The following ITGA4 variants were observed in gnomAD, a reference collection of about 807,000 sequenced individuals.
ITGA4 encodes the protein integrin subunit alpha 4, also known as integrin alpha-4.
In ITGA4, 63 loss-of-function variants were observed where a neutral mutation model predicts 133.6. The observed-to-expected ratio is 0.47, with a 90% CI of 0.38 to 0.58. The LOEUF (loss-of-function observed/expected upper bound fraction) is 0.58, where lower values mean the gene tolerates loss of function less well. Ranked by LOEUF, ITGA4 falls within the 20% of genes least tolerant of loss-of-function variation. The pLI is 0.00. For synonymous variants in ITGA4, 483 were observed against 438.0 expected, an observed-to-expected ratio of 1.10 and a Z score of -1.28; for missense variants, 1,076 against 1,252.7, an observed-to-expected ratio of 0.86 and a Z score of 2.13.
At chr2:181,500,223 C>T (rs865896494) in intron 15 of ITGA4, among the ~76,000 whole-genome samples, 5 of 152,252 alleles carry the variant, frequency 3.3e-5, no homozygotes, top group Middle Eastern at 3.4e-3. Flanking sequence ...GTGTTTGGAA[C>T]ACTTTTAAAA....
chr2:181,527,067 C>G (rs1274942331), intron 21 of ITGA4, among the ~76,000 whole-genome samples: 1 of 151,688 alleles, frequency 6.6e-6, no homozygotes, highest in Non-Finnish European at 1.5e-5. Context: ...AACTCCTGAC[C>G]TCAGGTGATG....
intron 12 of ITGA4, 148 bp downstream of exon 12, chr2:181,494,960 C>A: frequency 3.4e-6 from 2 of 579,808 alleles, no homozygotes; most frequent in South Asian, 4.9e-5. Flanking sequence ...TTAATTCATT[C>A]CTAAAATGAT....
intron 27 of ITGA4, among the ~76,000 whole-genome samples, 156 bp downstream of exon 27, chr2:181,535,091 A>AGTCT (rs1162239153): frequency 6.6e-6 from 1 of 151,620 alleles, no homozygotes; most frequent in African/African-American, 2.4e-5. Flanking sequence ...TCAACACCAA[A>AGTCT]GTCTTTCTAG....
intron 2 of ITGA4, among the ~76,000 whole-genome samples, chr2:181,460,566 A>AATGTGTGTGTGTGTGTGTGTGTGT (rs79689303): frequency 2.0e-5 from 3 of 147,958 alleles, no homozygotes; most frequent in Admixed American, 6.7e-5. Context: ...TCTGTAGAAG[A>AATGTGTGTGTGTGTGTGTGTGTGT]GTGTGTGTGT....
At chr2:181,524,545 C>T (rs951890739) in intron 20 of ITGA4, among the ~76,000 whole-genome samples, 3 of 152,064 alleles carry the variant, frequency 2.0e-5, no homozygotes, top group Non-Finnish European at 2.9e-5. Context: ...AATAACTCTA[C>T]AAGATTTAAA....
intron 26 of ITGA4, among the ~76,000 whole-genome samples, chr2:181,534,611 T>C (rs1687016809): frequency 6.6e-6 from 1 of 151,938 alleles, no homozygotes; most frequent in Non-Finnish European, 1.5e-5. Flanking sequence ...GGAGGAAAAG[T>C]CATGGATACA....
chr2:181,476,742 A>G (rs1386892347), intron 4 of ITGA4, among the ~76,000 whole-genome samples: 2 of 152,188 alleles, frequency 1.3e-5, no homozygotes, highest in Non-Finnish European at 2.9e-5. Flanking sequence ...GTTGGATTGG[A>G]TAAAGAAACT....
intron 2 of ITGA4, among the ~76,000 whole-genome samples, chr2:181,464,940 A>T (rs898640141): frequency 1.4e-4 from 22 of 152,262 alleles, no homozygotes; most frequent in African/African-American, 5.1e-4. Flanking sequence ...GAGAATTTTT[A>T]AAAATCATAG....
intron 10 of ITGA4, chr2:181,486,296 C>A: frequency 4.3e-6 from 1 of 230,172 alleles, no homozygotes; most frequent in Non-Finnish European, 8.4e-6. Context: ...GCTGTTACAC[C>A]CACCATTTTT....
rs1686149036 is a variant in ITGA4, at chr2:181,495,982, T to A, written c.1540+45T>A. ...TTAATGCTTGATGGGGTGCGGTTCATTCATTAATCCCACAATCCTGCTTGG... is the reference window on the plus strand; with the variant it reads ...TTAATGCTTGATGGGGTGCGGTTCAATCATTAATCCCACAATCCTGCTTGG... On this transcript the variant is annotated intron_variant, in intron 14 of 27. Coordinates refer to ENST00000397033, the MANE Select transcript of ITGA4 (RefSeq NM_000885.6). The surrounding 1 kb of genome is among the most constrained non-coding windows in gnomAD (Gnocchi z 4.3). 2 of 1,585,216 alleles carry A rather than the reference T, an allele frequency of 1.3e-6. No homozygotes were observed. The highest frequency in any genetic ancestry group is 3.4e-5 in the Admixed American group (2 of 58,292).
At chr2:181,498,538 T>C (rs1686204051) in intron 14 of ITGA4, 85 bp from the exon 15 acceptor site, 2 of 763,190 alleles carry the variant, frequency 2.6e-6, no homozygotes, top group Non-Finnish European at 4.1e-6. Context: ...CAGTAGTCCA[T>C]ATAACTTTAA....
intron 15 of ITGA4, among the ~76,000 whole-genome samples, chr2:181,503,971 T>C (rs1252437472): frequency 6.6e-6 from 1 of 152,074 alleles, no homozygotes; most frequent in Non-Finnish European, 1.5e-5. Flanking sequence ...AGAGCAGCCA[T>C]GGTAGTGAAA....
At chr2:181,489,401 G>A (rs542119156) in intron 10 of ITGA4, among the ~76,000 whole-genome samples, 1 of 152,006 alleles carries the variant, frequency 6.6e-6, no homozygotes, top group African/African-American at 2.4e-5. Flanking sequence ...GAAAAAATCG[G>A]TCAGACAGAC....
rs1687347274 is a variant in ITGA4, at chr2:181,538,907, G to T, written c.*3380G>T. Among the ~76,000 whole-genome samples the T allele has an allele frequency of 6.6e-6, 1 of 152,108 alleles. No individual in the cohort carries two copies. Among genetic ancestry groups the T allele is most frequent in the African/African-American group, 2.4e-5 (1 of 41,428 alleles). On this transcript the variant is annotated 3_prime_UTR_variant, in exon 28 of 28. Transcript: ENST00000397033. ...AATGCCTTGGGTCTACATAACAGTT[G>T]AATAAATGTAAAGTTGCTTTTTATT... is the stretch of plus-strand genomic sequence containing the variant.
chr2:181,499,910 T>C (rs1176214768), intron 15 of ITGA4, among the ~76,000 whole-genome samples: 2 of 152,208 alleles, frequency 1.3e-5, no homozygotes, highest in Non-Finnish European at 2.9e-5. Flanking sequence ...TTTGTAAAAG[T>C]GATCTGGTTT....
intron 2 of ITGA4, among the ~76,000 whole-genome samples, chr2:181,460,529 G>A (rs1471445913): frequency 1.3e-5 from 2 of 150,952 alleles, no homozygotes; most frequent in African/African-American, 4.9e-5. Flanking sequence ...AGTTTCAAGA[G>A]TGTGTGTAAA....
intron 15 of ITGA4, among the ~76,000 whole-genome samples, chr2:181,502,917 C>A (rs144637317): frequency 1.3e-5 from 2 of 151,480 alleles, no homozygotes; most frequent in Admixed American, 1.3e-4. Context: ...GAGCATGCAG[C>A]GGGAGGGAAT....
At chr2:181,534,493 C>G (rs1687013426) in intron 26 of ITGA4, 123 bp downstream of exon 26, 2 of 676,380 alleles carry the variant, frequency 3.0e-6, no homozygotes, top group Admixed American at 5.3e-5. Flanking sequence ...TCATGGAGGG[C>G]CCCCAATACT....
chr2:181,534,084 T>G (rs532472233), intron 25 of ITGA4, among the ~76,000 whole-genome samples, 188 bp from the exon 26 acceptor site: 2 of 152,158 alleles, frequency 1.3e-5, no homozygotes, highest in African/African-American at 2.4e-5. Flanking sequence ...TTCAATAAAA[T>G]GATACTATAT....
Sources: gnomAD v4.1 joint callset for allele counts (sites outside exome capture counted in the v4.1 genomes callset) on GRCh38, gnomAD v4.1.1 for gene constraint, Gnocchi (gnomAD v3.1) non-coding constraint, MANE v1.5 for transcripts, NCBI Gene and HGNC (gene_info 2026-07-23, HGNC 2026-07-21) for gene names.